Variants in RNF157 observed in about 807,000 individuals in gnomAD.
The protein encoded by RNF157 is E3 ubiquitin ligase RNF157.
RNF157 carries 55 observed loss-of-function variants against 88.3 expected under a neutral mutation model. That is an observed-to-expected ratio of 0.62 (90% CI 0.50 to 0.78). The LOEUF (loss-of-function observed/expected upper bound fraction) is 0.78, where lower values mean the gene tolerates loss of function less well. Among genes scored for constraint, RNF157 ranks in the 30% least tolerant of loss-of-function variants. The probability of loss-of-function intolerance (pLI) is 0.00; values close to 1 mark genes in which losing one functional copy is unlikely to be tolerated. For missense variants in RNF157, 788 were observed against 860.8 expected, an observed-to-expected ratio of 0.92 and a Z score of 1.06; for synonymous variants, 334 against 341.2, an observed-to-expected ratio of 0.98 and a Z score of 0.23.
intron 1 of RNF157, among the ~76,000 whole-genome samples, chr17:76,228,942 C>CAA (rs201291632): frequency 2.0e-4 from 29 of 146,322 alleles, no homozygotes; most frequent in African/African-American, 7.0e-4. Flanking sequence ...AATAATAATA[C>CAA]AAAAAAAAAA....
At chr17:76,168,579 G>A (rs193258411) in intron 3 of RNF157, among the ~76,000 whole-genome samples, 7 of 152,128 alleles carry the variant, frequency 4.6e-5, no homozygotes, top group Admixed American at 4.6e-4. Context: ...CCTTGGACTT[G>A]CTCCCATCTG....
intron 13 of RNF157, chr17:76,156,625 G>A (rs1048359038): frequency 1.5e-6 from 1 of 671,166 alleles, no homozygotes; most frequent in Non-Finnish European, 1.8e-6. Context: ...CTGTGACATG[G>A]GGACACCCCA....
At chr17:76,186,940 A>AAAAT (rs201615839) in intron 2 of RNF157, among the ~76,000 whole-genome samples, 36,243 of 140,638 alleles carry the variant, frequency 0.26, 4,776 homozygotes, top group Middle Eastern at 0.31. Context: ...ACTCCGACTC[A>AAAAT]AAATAAATAA....
At chr17:76,162,772 C>G (rs2068863732) in intron 8 of RNF157, 149 bp from the exon 9 acceptor site, 1 of 519,404 alleles carries the variant, frequency 1.9e-6, no homozygotes, top group Non-Finnish European at 3.4e-6. Flanking sequence ...GTAAAAGATG[C>G]TTTTATTTAC....
chr17:76,161,687 A>G lies in RNF157; in HGVS notation c.953-40T>C, dbSNP rs371431479. Reference sequence around the variant, plus strand: ...ACAGGCAATCAGGACATCCTGATACAGGATTAAGAATGAACAAGAGCCCAG... The same window carrying G: ...ACAGGCAATCAGGACATCCTGATACGGGATTAAGAATGAACAAGAGCCCAG... On this transcript the variant is annotated intron_variant, in intron 10 of 18. Coordinates refer to ENST00000269391, the MANE Select transcript of RNF157 (RefSeq NM_052916.3). The surrounding 1 kb of genome is among the most constrained non-coding windows in gnomAD (Gnocchi z 4.6). 6.4e-7 allele frequency: 1 copy of G among 1,562,580 alleles called. No individual in the cohort carries two copies. The highest frequency in any genetic ancestry group is 8.8e-7 in the Non-Finnish European group (1 of 1,138,346).
chr17:76,209,534 C>T (rs534214613), intron 2 of RNF157, among the ~76,000 whole-genome samples: 27 of 151,358 alleles, frequency 1.8e-4, no homozygotes, highest in Non-Finnish European at 2.8e-4. Flanking sequence ...TAGTGTATTC[C>T]GTGTGTGGCC....
rs1277213627 is a variant in RNF157 at position 76,152,368 on chromosome 17, C to T, written c.1908G>A (p.Glu636=). 1.9e-6 allele frequency: 3 copies of T among 1,609,002 alleles called. No homozygotes were observed. The highest frequency in any genetic ancestry group is 1.3e-5 in the African/African-American group (1 of 74,814). ...VKALDNKLCS[E]VCLPGAWQAD... is the part of the protein sequence containing the mutation. ...ACTGACACTCACCAGGTAAGCAGAC[C>T]TCAGAGCACAGCTTATTGTCCAGTG... The change falls in exon 18 of 19, where the codon GAG becomes GAA. Residue 636 remains glutamate, a synonymous_variant. Transcript: ENST00000269391.
At chr17:76,237,332 C>T (rs935928308) in intron 1 of RNF157, among the ~76,000 whole-genome samples, 6 of 152,206 alleles carry the variant, frequency 3.9e-5, no homozygotes, top group Non-Finnish European at 8.8e-5. Context: ...ACTGTTCCAC[C>T]GGCAGTGCAG....
At chr17:76,175,480 T>C (rs1388365104) in intron 2 of RNF157, among the ~76,000 whole-genome samples, 1 of 152,194 alleles carries the variant, frequency 6.6e-6, no homozygotes, top group African/African-American at 2.4e-5. Flanking sequence ...TCAGGAGGCC[T>C]TGACATGGTA....
intron 3 of RNF157, among the ~76,000 whole-genome samples, chr17:76,172,074 G>A (rs2069022660): frequency 6.6e-6 from 1 of 152,248 alleles, no homozygotes; most frequent in Non-Finnish European, 1.5e-5. Flanking sequence ...GCAGCAGACA[G>A]GTACCTCCTT....
intron 2 of RNF157, among the ~76,000 whole-genome samples, chr17:76,204,119 T>G (rs1257388237): frequency 6.6e-6 from 1 of 152,184 alleles, no homozygotes; most frequent in Non-Finnish European, 1.5e-5. Flanking sequence ...GAACCCAATT[T>G]GTCTTTCCAG....
At chr17:76,147,695 C>T (rs2068605955) in intron 18 of RNF157, 1 of 152,238 alleles carries the variant, frequency 6.6e-6, no homozygotes, top group African/African-American at 2.4e-5. Context: ...TGCTGCTGCT[C>T]CCTCCTCAGC....
intron 1 of RNF157, among the ~76,000 whole-genome samples, chr17:76,222,371 AAT>A (rs1457186117): frequency 6.6e-6 from 1 of 151,930 alleles, no homozygotes; most frequent in Non-Finnish European, 1.5e-5. Flanking sequence ...AAAGTTCTAG[AAT>A]AGAGGTAGTG....
chr17:76,184,651 T>C (rs2069251135), intron 2 of RNF157, among the ~76,000 whole-genome samples: 2 of 152,174 alleles, frequency 1.3e-5, no homozygotes, highest in African/African-American at 2.4e-5. Flanking sequence ...CAACCAATCC[T>C]CATGGGGAGC....
At chr17:76,207,929 ATTTAT>A (rs1236780905) in intron 2 of RNF157, among the ~76,000 whole-genome samples, 1 of 152,054 alleles carries the variant, frequency 6.6e-6, no homozygotes, top group African/African-American at 2.4e-5. Flanking sequence ...GTCTACTTTT[ATTTAT>A]TTATTTATTG....
chr17:76,237,702 G>A (rs1372365532), intron 1 of RNF157, among the ~76,000 whole-genome samples: 7 of 152,136 alleles, frequency 4.6e-5, no homozygotes, highest in African/African-American at 1.7e-4. Context: ...TCTTATCAGT[G>A]AAATGAATGG....
intron 2 of RNF157, among the ~76,000 whole-genome samples, chr17:76,194,925 GAA>G (rs1441399879): frequency 2.6e-5 from 4 of 152,156 alleles, no homozygotes; most frequent in Non-Finnish European, 5.9e-5. Context: ...TGAGGCAGCA[GAA>G]TGGCGTGAAC....
At chr17:76,237,132 T>C (rs2070296516) in intron 1 of RNF157, among the ~76,000 whole-genome samples, 1 of 152,228 alleles carries the variant, frequency 6.6e-6, no homozygotes, top group South Asian at 2.1e-4. Context: ...TACCTCTATT[T>C]AAGGATAGAA....
chr17:76,165,631 CA>C (rs1449640933), intron 6 of RNF157, 86 bp from the exon 7 acceptor site: 32 of 1,430,164 alleles, frequency 2.2e-5, no homozygotes, highest in Non-Finnish European at 2.7e-5. Context: ...TGCAATCTGG[CA>C]AACCAAATGT....
Sources: gnomAD v4.1 joint callset for allele counts (sites outside exome capture counted in the v4.1 genomes callset) on GRCh38, gnomAD v4.1.1 for gene constraint, Gnocchi (gnomAD v3.1) non-coding constraint, MANE v1.5 for transcripts, NCBI Gene and HGNC (gene_info 2026-07-23, HGNC 2026-07-21) for gene names.